MPP7: variants seen among roughly 807,000 people sequenced by gnomAD.
The protein encoded by MPP7 is MAGUK p55 subfamily member 7.
Under a neutral mutation model 76.5 loss-of-function variants are expected in MPP7, and 60 were observed. The ratio of observed to expected loss-of-function variants is 0.78; its 90% confidence interval spans 0.64 to 0.97. The LOEUF is 0.97. Ranked by LOEUF, MPP7 falls within the 50% of genes least tolerant of loss-of-function variation. The pLI is 0.00. For synonymous variants in MPP7, 237 were observed against 244.5 expected (o/e 0.97, Z 0.29); for missense variants, 641 against 694.0 (o/e 0.92, Z 0.86).
intron 11 of MPP7, among the ~76,000 whole-genome samples, chr10:28,117,754 G>C (rs765204115): frequency 6.6e-6 from 1 of 152,000 alleles, no homozygotes; most frequent in African/African-American, 2.4e-5. Flanking sequence ...TGAGAATAAA[G>C]ACATTAGCTG....
intron 1 of MPP7, among the ~76,000 whole-genome samples, chr10:28,265,980 G>A (rs1162595622): frequency 2.0e-5 from 3 of 151,956 alleles, no homozygotes; most frequent in Non-Finnish European, 4.4e-5. Context: ...GTTTTGTTTT[G>A]TTTTGGAGAC....
intron 1 of MPP7, among the ~76,000 whole-genome samples, chr10:28,254,191 A>C (rs1226603358): frequency 6.6e-6 from 1 of 152,140 alleles, no homozygotes; most frequent in Non-Finnish European, 1.5e-5. Context: ...AAACTAGCCA[A>C]GATTACTGAG....
intron 11 of MPP7, among the ~76,000 whole-genome samples, chr10:28,110,658 CATGAATACTAGGCT>C (rs1306363492): frequency 6.6e-6 from 1 of 152,156 alleles, no homozygotes; most frequent in Non-Finnish European, 1.5e-5. Flanking sequence ...TTTTAAGTCA[CATGAATACTAGGCT>C]ATACATATCT....
rs890778700 is a variant in MPP7 at position 28,069,752 on chromosome 10, C to A, written c.1204+20G>T. Reference sequence around the variant, plus strand: ...TATCGTAAGTGTAGTCATAGGAACACTGAGTAGCGCAGAACTCACGGGGCA... The same window carrying A: ...TATCGTAAGTGTAGTCATAGGAACAATGAGTAGCGCAGAACTCACGGGGCA... On this transcript the variant is annotated intron_variant, in intron 13 of 16. Coordinates refer to ENST00000683449, the MANE Select transcript of MPP7 (RefSeq NM_001318170.2). The A allele has an allele frequency of 6.3e-6, 10 of 1,588,876 alleles. No individual in the cohort carries two copies. Among genetic ancestry groups the A allele is most frequent in the Middle Eastern group, 1.7e-4 (1 of 6,006 alleles).
intron 2 of MPP7, among the ~76,000 whole-genome samples, chr10:28,209,382 T>A (rs1445590687): frequency 6.6e-6 from 1 of 151,040 alleles, no homozygotes; most frequent in Admixed American, 6.6e-5. Flanking sequence ...GGAGGGAGGA[T>A]CCTTTGAGCC....
At position 28,203,590 on chromosome 10, in the gene MPP7, A is replaced by G. The variant is rs1837854059; in HGVS notation, c.38-1319T>C. ...CCCTTAAAATCCTGGCATTCTGCCT[A>G]CACCAGCTCTTATTTACAGTTTAGT... On this transcript the variant is annotated intron_variant, in intron 2 of 16. Coordinates refer to ENST00000683449, the MANE Select transcript of MPP7 (RefSeq NM_001318170.2). Among the ~76,000 whole-genome samples the G allele has an allele frequency of 4.6e-5, 7 of 151,978 alleles. No individual in the cohort carries two copies. The South Asian group carries it at 1.5e-3, about 32-fold the overall frequency.
At chr10:28,184,418 T>A (rs1837160550) in intron 3 of MPP7, among the ~76,000 whole-genome samples, 1 of 148,636 alleles carries the variant, frequency 6.7e-6, no homozygotes, top group African/African-American at 2.4e-5. Context: ...TATATTAAGA[T>A]ACTATCTTGA....
chr10:28,183,139 TC>T (rs1203443378), intron 3 of MPP7, among the ~76,000 whole-genome samples: 4 of 152,162 alleles, frequency 2.6e-5, no homozygotes, highest in African/African-American at 9.6e-5. Flanking sequence ...TAAATATGAT[TC>T]TATTTATAAG....
chr10:28,141,607 T>G (rs554621451), intron 5 of MPP7, among the ~76,000 whole-genome samples: 1 of 151,666 alleles, frequency 6.6e-6, no homozygotes, highest in African/African-American at 2.4e-5. Context: ...TGTAGATGTG[T>G]GTATACATAT....
chr10:28,277,667 G>A (rs1039653039), intron 1 of MPP7, among the ~76,000 whole-genome samples: 1 of 152,072 alleles, frequency 6.6e-6, no homozygotes, highest in African/African-American at 2.4e-5. Flanking sequence ...ACAGGGTACG[G>A]GGTAAACCGA....
chr10:28,166,424 T>TTTGG (rs1554844612), intron 3 of MPP7, among the ~76,000 whole-genome samples: 1 of 129,470 alleles, frequency 7.7e-6, no homozygotes, highest in Non-Finnish European at 1.6e-5. Flanking sequence ...TTTTTTTTTT[T>TTTGG]GGGACAGAGT....
chr10:28,164,597 T>C (rs1349500729), intron 3 of MPP7, among the ~76,000 whole-genome samples: 1 of 151,816 alleles, frequency 6.6e-6, no homozygotes, highest in African/African-American at 2.4e-5. Flanking sequence ...AGACCAAGAG[T>C]GTCCAACCTG....
chr10:28,105,922 C>A (rs369014123), intron 11 of MPP7, among the ~76,000 whole-genome samples: 1 of 152,128 alleles, frequency 6.6e-6, no homozygotes. Flanking sequence ...GTAGGTCTAA[C>A]AAAAAATATG....
chr10:28,228,506 C>T (rs1289244848), intron 2 of MPP7, among the ~76,000 whole-genome samples: 1 of 152,166 alleles, frequency 6.6e-6, no homozygotes, highest in Non-Finnish European at 1.5e-5. Context: ...TGGCTCACAC[C>T]TGTAATCCCA....
chr10:28,301,489 C>A lies in MPP7; in HGVS notation c.-132+1372G>T, dbSNP rs541498918. Among the ~76,000 whole-genome samples the A allele has an allele frequency of 6.3e-4, 96 of 152,272 alleles. 1 individual carries two copies. Among genetic ancestry groups the A allele is most frequent in the African/African-American group, 2.1e-3 (87 of 41,556 alleles). On this transcript the variant is annotated intron_variant, in intron 1 of 16. Coordinates refer to ENST00000683449, the MANE Select transcript of MPP7 (RefSeq NM_001318170.2). ...AAGAAAAACCTCGCAGATAATATTT[C>A]TTTACTTGAAAATAACCATCTCCAC...
intron 3 of MPP7, among the ~76,000 whole-genome samples, chr10:28,175,056 G>A (rs530398004): frequency 5.5e-4 from 84 of 152,244 alleles, no homozygotes; most frequent in African/African-American, 1.9e-3. Context: ...TTGGGAGGCC[G>A]AGGTGGGCGG....
intron 16 of MPP7, among the ~76,000 whole-genome samples, chr10:28,055,291 AC>A (rs2133307953): frequency 6.6e-6 from 1 of 152,314 alleles, no homozygotes; most frequent in South Asian, 2.1e-4. Context: ...GTATGACAGT[AC>A]CTACTCAGAA....
At chr10:28,167,589 C>T (rs767789858) in intron 3 of MPP7, among the ~76,000 whole-genome samples, 5 of 152,084 alleles carry the variant, frequency 3.3e-5, no homozygotes, top group Admixed American at 6.6e-5. Context: ...ATCCATGTAA[C>T]AAACCTACAC....
chr10:28,205,822 A>C (rs1033820156), intron 2 of MPP7, among the ~76,000 whole-genome samples: 1 of 152,216 alleles, frequency 6.6e-6, no homozygotes, highest in South Asian at 2.1e-4. Context: ...TCCCCTAAAA[A>C]GCATGTATCA....
Sources: gnomAD v4.1 joint callset for allele counts (sites outside exome capture counted in the v4.1 genomes callset) on GRCh38, gnomAD v4.1.1 for gene constraint, MANE v1.5 for transcripts, NCBI Gene and HGNC (gene_info 2026-07-23, HGNC 2026-07-21) for gene names.